The following LINGO2 variants were observed in gnomAD, a reference collection of about 807,000 sequenced individuals.
The protein encoded by LINGO2 is leucine-rich repeat and immunoglobulin-like domain-containing nogo receptor-interacting protein 2.
LINGO2 carries 14 observed loss-of-function variants against 30.6 expected under a neutral mutation model. The ratio of observed to expected loss-of-function variants is 0.46; its 90% CI spans 0.30 to 0.72. LINGO2 has a LOEUF of 0.72. LINGO2 is among the 30% of genes least tolerant of loss of function. LINGO2 has a pLI of 0.07. For missense variants in LINGO2, 729 were observed against 751.7 expected (o/e 0.97, Z 0.35); for synonymous variants, 317 against 288.5 (o/e 1.10, Z -1.00).
chr9:28,549,787 T>C (rs1587841407), intron 1 of LINGO2, among the ~76,000 whole-genome samples: 1 of 151,902 alleles, frequency 6.6e-6, no homozygotes, highest in African/African-American at 2.4e-5. Flanking sequence ...ATTTTATTTG[T>C]CAATTATGGC....
chr9:28,969,783 A>G, the LINGO2 span, among the ~76,000 whole-genome samples: 1 of 152,198 alleles, frequency 6.6e-6, no homozygotes, highest in South Asian at 2.1e-4. Context: ...GGATTTTGCC[A>G]TGGAGCACCC....
chr9:28,121,807 C>A (rs537143617), intron 4 of LINGO2, among the ~76,000 whole-genome samples: 2 of 152,126 alleles, frequency 1.3e-5, no homozygotes, highest in Admixed American at 6.6e-5. Context: ...TGTCATTACT[C>A]CACTAGAATA....
At chr9:27,999,279 A>G (rs1297831918) in intron 5 of LINGO2, among the ~76,000 whole-genome samples, 1 of 152,160 alleles carries the variant, frequency 6.6e-6, no homozygotes, top group Non-Finnish European at 1.5e-5. Flanking sequence ...GAAAGCATCA[A>G]CCACAAAAAT....
At chr9:28,674,199 G>A (rs958623508), upstream of LINGO2, among the ~76,000 whole-genome samples, 2 of 152,094 alleles carry the variant, frequency 1.3e-5, no homozygotes, top group African/African-American at 4.8e-5. Context: ...CTAACTTCAA[G>A]GCTAGGAATA....
intron 1 of LINGO2, among the ~76,000 whole-genome samples, chr9:28,575,023 G>A (rs1823884384): frequency 6.6e-6 from 1 of 152,166 alleles, no homozygotes; most frequent in Non-Finnish European, 1.5e-5. Flanking sequence ...CTACTATGCA[G>A]CTTTTAAAAG....
At chr9:28,143,008 T>C (rs1015944310) in intron 4 of LINGO2, among the ~76,000 whole-genome samples, 2 of 152,156 alleles carry the variant, frequency 1.3e-5, no homozygotes, top group Non-Finnish European at 2.9e-5. Context: ...ATCTGATCAA[T>C]TGCAGATGCA....
the LINGO2 span, among the ~76,000 whole-genome samples, chr9:28,929,882 T>A: frequency 6.6e-6 from 1 of 152,128 alleles, no homozygotes; most frequent in Non-Finnish European, 1.5e-5. Context: ...TTGGAAAAAA[T>A]TAATGGATAG....
intron 4 of LINGO2, among the ~76,000 whole-genome samples, chr9:28,266,956 A>C (rs1460710620): frequency 6.6e-6 from 1 of 152,034 alleles, no homozygotes; most frequent in Non-Finnish European, 1.5e-5. Context: ...TATCTTGGGC[A>C]AACCTGTCAC....
chr9:28,291,441 T>C lies in LINGO2; in HGVS notation c.-87+3767A>G, dbSNP rs10968440. On this transcript the variant is annotated intron_variant, in intron 4 of 5. Transcript: ENST00000379992. Reference sequence around the variant, plus strand: ...CTATGAACAGATATTATGCCAGTTCTAGGGAACAGGGATAATGCAATGAAC... The same window carrying C: ...CTATGAACAGATATTATGCCAGTTCCAGGGAACAGGGATAATGCAATGAAC... Among the ~76,000 whole-genome samples the C allele has an allele frequency of 0.016, 2,452 of 152,270 alleles. 148 individuals carry two copies. In the East Asian group the frequency reaches 0.2, roughly 12 times the overall value.
chr9:28,794,671 G>C, the LINGO2 span, among the ~76,000 whole-genome samples: 1 of 152,030 alleles, frequency 6.6e-6, no homozygotes. Flanking sequence ...GATTTATTCT[G>C]GAAGTGTAAT....
At chr9:29,124,831 A>C in the LINGO2 span, among the ~76,000 whole-genome samples, 1 of 152,208 alleles carries the variant, frequency 6.6e-6, no homozygotes, top group Admixed American at 6.5e-5. Flanking sequence ...AATTAGTTCA[A>C]CCATTGTGGA....
intron 2 of LINGO2, among the ~76,000 whole-genome samples, chr9:28,471,957 A>G (rs77998536): frequency 0.016 from 2,478 of 152,302 alleles, 62 homozygotes; most frequent in African/African-American, 0.056. Flanking sequence ...TAAAACAAGT[A>G]TAAACTCTAT....
In LINGO2 at chr9:28,366,310, T is replaced by C. The variant is rs894208282; in HGVS notation, c.-246+6526A>G. 1.3e-4 allele frequency among the ~76,000 whole-genome samples: 20 copies of C among 152,330 alleles called. 1 individual carries two copies. Among genetic ancestry groups the C allele is most frequent in the African/African-American group, 3.6e-4 (15 of 41,576 alleles). On this transcript the variant is annotated intron_variant, in intron 3 of 5. Transcript: ENST00000379992. ...TCTATATTGTATTTCATCCCTCTTA[T>C]GTGATCTTTAGGCTGTGTTTGAAAG...
chr9:28,138,787 A>G (rs1827593275), intron 4 of LINGO2, among the ~76,000 whole-genome samples: 1 of 152,174 alleles, frequency 6.6e-6, no homozygotes. Context: ...ATTCATGCTT[A>G]TTTTCAACGA....
intron 4 of LINGO2, among the ~76,000 whole-genome samples, chr9:28,041,680 CACTTT>C (rs1209514952): frequency 6.6e-6 from 1 of 152,148 alleles, no homozygotes; most frequent in East Asian, 1.9e-4. Context: ...CTAATCAAAT[CACTTT>C]ATATTTGGCA....
At chr9:29,097,509 C>T in the LINGO2 span, among the ~76,000 whole-genome samples, 1 of 137,872 alleles carries the variant, frequency 7.3e-6, no homozygotes. Flanking sequence ...TAGATATTAA[C>T]AAAATGCTAT....
chr9:28,441,024 A>G (rs905340829), intron 2 of LINGO2, among the ~76,000 whole-genome samples: 2 of 152,046 alleles, frequency 1.3e-5, no homozygotes, highest in African/African-American at 4.8e-5. Flanking sequence ...GTAATGAGAG[A>G]TATTTATATC....
intron 1 of LINGO2, chr9:28,599,321 TTAGAGTA>T (rs1338599215): frequency 5.9e-5 from 9 of 152,140 alleles, no homozygotes; most frequent in Admixed American, 1.3e-4. Context: ...TCTTGCAGAG[TTAGAGTA>T]TAATCTGTAT....
chr9:29,073,178 A>G, the LINGO2 span, among the ~76,000 whole-genome samples: 4 of 152,174 alleles, frequency 2.6e-5, no homozygotes, highest in Non-Finnish European at 5.9e-5. Context: ...GTATATATAC[A>G]TACAGACCCA....
Sources: gnomAD v4.1 joint callset for allele counts (sites outside exome capture counted in the v4.1 genomes callset) on GRCh38, gnomAD v4.1.1 for gene constraint, MANE v1.5 for transcripts, NCBI Gene and HGNC (gene_info 2026-07-23, HGNC 2026-07-21) for gene names.